The following ABL2 variants were observed in gnomAD, a reference collection of about 807,000 sequenced individuals.
ABL2 encodes tyrosine-protein kinase ABL2.
Under a neutral mutation model 107.7 loss-of-function variants are expected in ABL2, and 49 were observed. The ratio of observed to expected loss-of-function variants is 0.45; its 90% CI spans 0.36 to 0.58. The LOEUF is 0.58. Ranked by LOEUF, ABL2 falls within the 20% of genes least tolerant of loss-of-function variation. The pLI, the probability that ABL2 is intolerant of heterozygous loss-of-function variation, is 0.00. For missense variants in ABL2, 1,245 were observed against 1,457.0 expected (o/e 0.85, Z 2.37); for synonymous variants, 549 against 548.6 (o/e 1.00, Z -0.01).
Position 179,109,178 on chromosome 1 carries a change from G to A in ABL2, c.2089C>T (p.His697Tyr), listed in dbSNP as rs1300420894. The A allele has an allele frequency of 1.9e-6, 3 of 1,613,942 alleles. No homozygotes were observed. Among genetic ancestry groups the A allele is most frequent in the Admixed American group, 1.7e-5 (1 of 60,004 alleles). ...GGAGTGAAAGAGAACCCATCAGCAT[G>A]CTGTAGAGAAGCAACAGATGAGAAG... Reference protein sequence around the residue: ...GNFSSVASLQHADGFSFTPAQ... With the variant: ...GNFSSVASLQYADGFSFTPAQ... Residue 697 changes from histidine (H) to tyrosine (Y), a missense_variant, in exon 12 of 12, where the codon CAT (histidine) becomes TAT (tyrosine). Transcript: ENST00000502732.
chr1:179,110,271 G>A lies in ABL2; in HGVS notation c.1825+11C>T, dbSNP rs978413127. 6.2e-7 allele frequency: 1 copy of A among 1,613,946 alleles called. No individual in the cohort carries two copies. Among genetic ancestry groups the A allele is most frequent in the Non-Finnish European group, 8.5e-7 (1 of 1,179,996 alleles). ...TTTCTATTTTGATTCTACCTGCTAA[G>A]GGACCCATACCTGGTGCTAAACTGG... On this transcript the variant is annotated intron_variant, in intron 11 of 11. Transcript: ENST00000502732.
Position 179,108,051 on chromosome 1 carries a change from G to A in ABL2, c.3216C>T (p.Thr1072=). ...CTGAGATTTTCTCAGCGGCCTGTTT[G>A]GTTTTTCTCAGAGCCACTTTAGTAC... ...TAGTKVALRK[T]KQAAEKISAD... is the part of the protein sequence containing the mutation. Residue 1072 remains threonine (T), a synonymous_variant, in exon 12 of 12, where the codon ACC becomes ACT. Transcript: ENST00000502732. 1.2e-6 allele frequency: 2 copies of A among 1,614,190 alleles called. No individual in the cohort carries two copies. Among genetic ancestry groups the A allele is most frequent in the Middle Eastern group, 1.6e-4 (1 of 6,062 alleles).
intron 1 of ABL2, chr1:179,221,030 A>G (rs951044047): frequency 1.5e-4 from 35 of 225,884 alleles, no homozygotes; most frequent in African/African-American, 8.0e-4. Flanking sequence ...TTCACTTCAC[A>G]TTTTGAGAGC....
At chr1:179,218,297 T>C (rs939512715) in intron 1 of ABL2, among the ~76,000 whole-genome samples, 1 of 152,230 alleles carries the variant, frequency 6.6e-6, no homozygotes, top group African/African-American at 2.4e-5. Context: ...ATGTGGACAC[T>C]AATAGGCTAG....
intron 1 of ABL2, among the ~76,000 whole-genome samples, chr1:179,211,994 T>C (rs575351287): frequency 6.6e-6 from 1 of 152,214 alleles, no homozygotes; most frequent in East Asian, 1.9e-4. Context: ...AGAGACTGCA[T>C]AATTTATAAA....
intron 1 of ABL2, among the ~76,000 whole-genome samples, chr1:179,204,486 C>G (rs1317831823): frequency 6.6e-6 from 1 of 152,030 alleles, no homozygotes; most frequent in Non-Finnish European, 1.5e-5. Context: ...TGGCTCACAC[C>G]TGTAATCCTA....
chr1:179,201,819 G>A, intron 1 of ABL2: 2 of 1,108,514 alleles, frequency 1.8e-6, no homozygotes, highest in Admixed American at 2.1e-5. Flanking sequence ...TAAAGGTGTG[G>A]CTATTAACAT....
Position 179,099,408 on chromosome 1 carries a change from T to C in ABL2, c.*8310A>G, listed in dbSNP as rs1016891607. ...CCTTGTGAGAAGACAGAGAAAGCAG[T>C]CCCTTTCAAGGGCCTCATTTATTTA... On this transcript the variant is annotated 3_prime_UTR_variant, in exon 12 of 12. Coordinates refer to ENST00000502732, the MANE Select transcript of ABL2 (RefSeq NM_007314.4). 1.4e-5 allele frequency: 3 copies of C among 210,994 alleles called. No individual in the cohort carries two copies. Among genetic ancestry groups the C allele is most frequent in the Non-Finnish European group, 2.9e-5 (3 of 104,130 alleles). 13.1% of individuals were successfully genotyped at this position (210,994 alleles called of 1,614,324 possible). A position where few individuals can be genotyped will look rare whatever the true frequency, so the allele number is the denominator to read the frequency against.
chr1:179,109,798 G>A (rs149543624), intron 11 of ABL2, among the ~76,000 whole-genome samples: 1,674 of 152,128 alleles, frequency 0.011, 28 homozygotes, highest in African/African-American at 0.039. Context: ...CATGGTGGCG[G>A]GCGCCTGTAG....
intron 3 of ABL2, among the ~76,000 whole-genome samples, chr1:179,130,748 G>A (rs1445316468): frequency 6.6e-6 from 1 of 151,114 alleles, no homozygotes; most frequent in South Asian, 2.1e-4. Context: ...GTGTGTGTGT[G>A]TGTGTGTGTG....
At chr1:179,217,951 T>C (rs966254584) in intron 1 of ABL2, among the ~76,000 whole-genome samples, 2 of 152,186 alleles carry the variant, frequency 1.3e-5, no homozygotes, top group Non-Finnish European at 2.9e-5. Context: ...ACCAAAACTA[T>C]AGAATCACAA....
intron 1 of ABL2, among the ~76,000 whole-genome samples, chr1:179,157,315 T>C (rs993497147): frequency 4.6e-5 from 7 of 152,026 alleles, no homozygotes; most frequent in Admixed American, 2.6e-4. Context: ...GCCAACATGG[T>C]GAAACCCTGG....
rs1653232727 is a variant in ABL2, at chr1:179,102,997, A to G, written c.*4721T>C. ...ACATAGGTTAAAAAAGACACTGTCA[A>G]CATCAACAGATAACAAGTCTGTTCC... On this transcript the variant is annotated 3_prime_UTR_variant, in exon 12 of 12. Coordinates refer to ENST00000502732, the MANE Select transcript of ABL2 (RefSeq NM_007314.4). 4.4e-6 allele frequency: 1 copy of G among 225,464 alleles called. No individual in the cohort carries two copies. The highest frequency in any genetic ancestry group is 8.8e-6 in the Non-Finnish European group (1 of 113,146). 14.0% of individuals were successfully genotyped at this position (225,464 alleles called of 1,614,324 possible).
chr1:179,107,018 G>C lies in ABL2; in HGVS notation c.*700C>G, dbSNP rs1258292148. The C allele has an allele frequency of 8.7e-6, 2 of 229,700 alleles. No homozygotes were observed. Among genetic ancestry groups the C allele is most frequent in the Admixed American group, 5.7e-5 (1 of 17,664 alleles). The allele number at this position is 229,700 out of a possible 1,614,324, so 14.2% of individuals were successfully genotyped here. On this transcript the variant is annotated 3_prime_UTR_variant, in exon 12 of 12. Transcript: ENST00000502732. The stretch of plus-strand genomic sequence containing the variant: ...GAAATAATATACCAGACTGGGAGAA[G>C]TGACTTCTGCTAATCTGTGTAAGAT...
chr1:179,201,915 G>A lies in ABL2; in HGVS notation c.157+27326C>T, dbSNP rs1244622812. 1.0e-5 allele frequency: 13 copies of A among 1,282,962 alleles called. No homozygotes were observed. The East Asian group carries it at 1.4e-4, about 14-fold the overall frequency. 79.5% of individuals were successfully genotyped at this position (1,282,962 alleles called of 1,614,324 possible). A position where few individuals can be genotyped will look rare whatever the true frequency, so the allele number is the denominator to read the frequency against. ...TGAGGAAATGCCCCTCAATGTTGCC[G>A]ACCTCATCTGAGGGGCTGTCCTGCC... On this transcript the variant is annotated intron_variant, in intron 1 of 11. Transcript: ENST00000502732.
At chr1:179,216,436 A>G (rs1662566716) in intron 1 of ABL2, among the ~76,000 whole-genome samples, 1 of 152,196 alleles carries the variant, frequency 6.6e-6, no homozygotes, top group Non-Finnish European at 1.5e-5. Flanking sequence ...ACAGACACAC[A>G]CATCTCTTTT....
chr1:179,219,135 T>C (rs1394493157), intron 1 of ABL2, among the ~76,000 whole-genome samples: 1 of 152,194 alleles, frequency 6.6e-6, no homozygotes, highest in Non-Finnish European at 1.5e-5. Context: ...CTCAACCTCC[T>C]GGCCTCAAGT....
intron 4 of ABL2, among the ~76,000 whole-genome samples, chr1:179,122,167 G>T (rs1167148264): frequency 2.0e-5 from 3 of 150,500 alleles, no homozygotes; most frequent in African/African-American, 4.9e-5. Context: ...GCCGGCCTCA[G>T]CCTCCCAAAG....
In ABL2 at chr1:179,229,476, C is replaced by T. The variant is rs1441993178; in HGVS notation, c.-79G>A. Reference sequence around the variant, plus strand: ...CGGCTCCGGCCTCGGGCTCCTGGCGCTGCTCCGGTCTCTCCCTCCCAGCCC... The same window carrying T: ...CGGCTCCGGCCTCGGGCTCCTGGCGTTGCTCCGGTCTCTCCCTCCCAGCCC... On this transcript the variant is annotated 5_prime_UTR_variant, in exon 1 of 12. Transcript: ENST00000502732. 5 of 1,370,282 alleles carry T rather than the reference C, an allele frequency of 3.6e-6. No individual in the cohort carries two copies. Among genetic ancestry groups the T allele is most frequent in the East Asian group, 6.0e-5 (2 of 33,580 alleles). The allele number at this position is 1,370,282 out of a possible 1,614,324, so 84.9% of individuals were successfully genotyped here. A position where few individuals can be genotyped will look rare whatever the true frequency, so the allele number is the denominator to read the frequency against.
Sources: allele counts gnomAD v4.1 joint callset (sites outside exome capture counted in the v4.1 genomes callset), GRCh38; gene constraint gnomAD v4.1.1; transcripts MANE v1.5; gene names NCBI Gene and HGNC (gene_info 2026-07-23, HGNC 2026-07-21).